COL26A1: variants seen among roughly 807,000 people sequenced by gnomAD.
COL26A1 encodes collagen alpha-1(XXVI) chain.
In COL26A1, 41 loss-of-function variants were observed where a neutral mutation model predicts 59.3. That is an observed-to-expected ratio of 0.69 (90% CI 0.54 to 0.90). The LOEUF is 0.90. Ranked by LOEUF, COL26A1 falls within the 40% of genes least tolerant of loss-of-function variation. The pLI is 0.00. For synonymous variants in COL26A1, 266 were observed against 256.0 expected (o/e 1.04, Z -0.37); for missense variants, 612 against 602.3 (o/e 1.02, Z -0.17).
chr7:101,486,156 G>C (rs1794263592), intron 3 of COL26A1, among the ~76,000 whole-genome samples: 1 of 150,888 alleles, frequency 6.6e-6, no homozygotes, highest in East Asian at 2.0e-4. Flanking sequence ...CTGGGTGACA[G>C]AGTGAGACTG....
At chr7:101,404,421 G>T (rs1338006559) in intron 1 of COL26A1, among the ~76,000 whole-genome samples, 2 of 152,042 alleles carry the variant, frequency 1.3e-5, no homozygotes, top group Non-Finnish European at 2.9e-5. Flanking sequence ...TGTCCTGGTT[G>T]CACCATTTAC....
At chr7:101,455,765 C>A (rs1157096460) in intron 3 of COL26A1, among the ~76,000 whole-genome samples, 1 of 152,144 alleles carries the variant, frequency 6.6e-6, no homozygotes, top group Non-Finnish European at 1.5e-5. Flanking sequence ...TCACTGCAAC[C>A]TCCGCCTCCT....
At position 101,547,218 on chromosome 7, in the gene COL26A1, C is replaced by A; in HGVS notation, c.919C>A (p.Arg307=). ...DTVLAGVPGP[R]GPPGPPGPPG... ...AGTGCTGGCAGGTGTCCCAGGACCC[C>A]GGGGTCCCCCTGGTCCACCAGGTAA... The change falls in exon 8 of 13, where the codon CGG becomes AGG. Residue 307 remains arginine, a synonymous_variant. Transcript: ENST00000313669. 6.3e-7 allele frequency: 1 copy of A among 1,586,520 alleles called. No individual in the cohort carries two copies. The highest frequency in any genetic ancestry group is 1.2e-5 in the South Asian group (1 of 86,314).
Position 101,473,076 on chromosome 7 carries a change from C to CT in COL26A1, c.385+25300dup, listed in dbSNP as rs1348473588. Among the ~76,000 whole-genome samples the CT allele has an allele frequency of 3.9e-3, 572 of 146,160 alleles. 4 individuals carry two copies. The highest frequency in any genetic ancestry group is 0.012 in the African/African-American group (487 of 40,126). ...TTTATGAGCTGACTATGGGTTGCAT[C>CT]TTTTTTTTTTTCTTTTTTTTTGACA... On this transcript the variant is annotated intron_variant, in intron 3 of 12. Transcript: ENST00000313669.
intron 3 of COL26A1, among the ~76,000 whole-genome samples, chr7:101,473,656 ACACACAC>A (rs1562998976): frequency 4.3e-5 from 6 of 139,712 alleles, no homozygotes; most frequent in Admixed American, 7.1e-5. Context: ...ACACACACAA[ACACACAC>A]AACAAAAAAC....
intron 1 of COL26A1, among the ~76,000 whole-genome samples, chr7:101,382,997 A>G (rs28572063): frequency 0.061 from 9,340 of 152,280 alleles, 661 homozygotes; most frequent in African/African-American, 0.16. Flanking sequence ...AGCTGAGATC[A>G]CATCACTGCA....
At chr7:101,485,946 G>T (rs1281961640) in intron 3 of COL26A1, among the ~76,000 whole-genome samples, 1 of 152,138 alleles carries the variant, frequency 6.6e-6, no homozygotes, top group Non-Finnish European at 1.5e-5. Context: ...GCCGAGGCAG[G>T]TGGATCACTT....
intron 1 of COL26A1, among the ~76,000 whole-genome samples, chr7:101,401,699 A>AAGAG (rs1792007175): frequency 3.8e-5 from 3 of 78,296 alleles, no homozygotes; most frequent in African/African-American, 1.4e-4. Context: ...AGGAGGAGGA[A>AAGAG]GAGTAGGAGG....
rs1377320561 is a variant in COL26A1 at position 101,544,062 on chromosome 7, C to G, written c.669C>G (p.Gly223=). Residue 223 remains glycine (G), a synonymous_variant, in exon 6 of 13, where the codon GGC becomes GGG. Transcript: ENST00000313669. Reference sequence around the variant, plus strand: ...CCCCCGGGTCTAAAGGTGACCGAGGCCAGACAGGAGAGAAGGGTCCAGCGG... The same window carrying G: ...CCCCCGGGTCTAAAGGTGACCGAGGGCAGACAGGAGAGAAGGGTCCAGCGG... ...AGPPGSKGDR[G]QTGEKGPAGP... 6.2e-7 allele frequency: 1 copy of G among 1,606,202 alleles called. No individual in the cohort carries two copies. The highest frequency in any genetic ancestry group is 1.7e-5 in the Admixed American group (1 of 59,048).
At chr7:101,494,880 T>C (rs1366021975) in intron 3 of COL26A1, among the ~76,000 whole-genome samples, 1 of 152,184 alleles carries the variant, frequency 6.6e-6, no homozygotes, top group Non-Finnish European at 1.5e-5. Context: ...TCTCTCTGAA[T>C]CAGTGTCTGA....
chr7:101,366,094 T>C (rs1209843570), intron 1 of COL26A1, among the ~76,000 whole-genome samples: 2 of 152,228 alleles, frequency 1.3e-5, no homozygotes, highest in African/African-American at 2.4e-5. Context: ...GGGCAATGGA[T>C]TCCTAAAAAG....
intron 2 of COL26A1, among the ~76,000 whole-genome samples, chr7:101,431,857 T>G (rs980985526): frequency 1.3e-5 from 2 of 151,966 alleles, no homozygotes; most frequent in Admixed American, 6.6e-5. Flanking sequence ...AATGGTGTGA[T>G]CATCTCTCAC....
chr7:101,515,127 C>T (rs1463651149), intron 3 of COL26A1, among the ~76,000 whole-genome samples: 2 of 152,112 alleles, frequency 1.3e-5, no homozygotes, highest in Non-Finnish European at 2.9e-5. Context: ...GTCTGGGTGC[C>T]GATAAACAAG....
At chr7:101,464,033 A>G (rs1003252297) in intron 3 of COL26A1, among the ~76,000 whole-genome samples, 1 of 150,938 alleles carries the variant, frequency 6.6e-6, no homozygotes. Context: ...TGGCACAATG[A>G]TAGCTCACTG....
intron 3 of COL26A1, among the ~76,000 whole-genome samples, chr7:101,527,049 C>T (rs1458128843): frequency 6.6e-6 from 1 of 152,188 alleles, no homozygotes; most frequent in South Asian, 2.1e-4. Flanking sequence ...CAACTCACTG[C>T]AGCCTCCACC....
At chr7:101,444,850 TTTA>T (rs1793148811) in intron 2 of COL26A1, among the ~76,000 whole-genome samples, 2 of 151,552 alleles carry the variant, frequency 1.3e-5, no homozygotes, top group East Asian at 1.9e-4. Context: ...ATTTTGTTTG[TTTA>T]TTTTTTTTGA....
chr7:101,463,629 TCC>T (rs1401741606), intron 3 of COL26A1, among the ~76,000 whole-genome samples: 3 of 51,700 alleles, frequency 5.8e-5, no homozygotes, highest in African/African-American at 2.4e-4. Flanking sequence ...CTCCCCCTCT[TCC>T]TTCCTTCCTT....
chr7:101,461,442 A>G (rs7795687), intron 3 of COL26A1, among the ~76,000 whole-genome samples: 66,498 of 151,246 alleles, frequency 0.44, 15,389 homozygotes, highest in Middle Eastern at 0.54. Context: ...GGGATTACAG[A>G]TGCCCGCCAC....
chr7:101,544,005 G>A lies in COL26A1; in HGVS notation c.612G>A (p.Pro204=), dbSNP rs373229401. The A allele has an allele frequency of 7.2e-5, 113 of 1,572,072 alleles. No individual in the cohort carries two copies. In the African/African-American group the frequency reaches 1.0e-3, roughly 14 times the overall value. The change falls in exon 6 of 13, where the codon CCG becomes CCA. Residue 204 remains proline, a synonymous_variant. Coordinates refer to ENST00000313669, the MANE Select transcript of COL26A1 (RefSeq NM_001278563.3). ...GTCTCCTTCTCTCCCCAGGGCCCCC[G>A]GGGCAGACAGGACCACCAGGGCCTG... ...QRRPTGPAGP[P]GQTGPPGPAG...
Sources: gnomAD v4.1 joint callset for allele counts (sites outside exome capture counted in the v4.1 genomes callset) on GRCh38, gnomAD v4.1.1 for gene constraint, MANE v1.5 for transcripts, NCBI Gene and HGNC (gene_info 2026-07-23, HGNC 2026-07-21) for gene names.